KCNQ1: variants seen among roughly 807,000 people sequenced by gnomAD.
KCNQ1 encodes the protein potassium voltage-gated channel subfamily Q member 1, also known as potassium voltage-gated channel subfamily KQT member 1.
A neutral mutation model predicts 72.4 loss-of-function variants in KCNQ1; 49 were observed. That is an observed-to-expected ratio of 0.68 (90% CI 0.54 to 0.86). KCNQ1 has a LOEUF of 0.86. Ranked by LOEUF, KCNQ1 falls within the 40% of genes least tolerant of loss-of-function variation. The pLI is 0.00. For missense variants in KCNQ1, 790 were observed against 945.1 expected, an observed-to-expected ratio of 0.84 and a Z score of 2.15; for synonymous variants, 450 against 412.6, an observed-to-expected ratio of 1.09 and a Z score of -1.10.
At position 2,479,985 on chromosome 11, in the gene KCNQ1, A is replaced by G. The variant is rs1226691691; in HGVS notation, c.386+34501A>G. Among the ~76,000 whole-genome samples the G allele has an allele frequency of 6.6e-6, 1 of 152,246 alleles. No homozygotes were observed. The highest frequency in any genetic ancestry group is 1.5e-5 in the Non-Finnish European group (1 of 68,048). On this transcript the variant is annotated intron_variant, in intron 1 of 15. Transcript: ENST00000155840. This position sits in a 1 kb window ranked among gnomAD's most constrained non-coding sequence, Gnocchi z 4.6. ...TCTAGGGCAGTGGTAAAATACTGCC[A>G]GTCTCTTTGCTAAAACATAGCAAGA...
At position 2,813,450 on chromosome 11, in the gene KCNQ1, C is replaced by T. The variant is rs1277788696; in HGVS notation, c.1795-34317C>T. 6.6e-6 allele frequency among the ~76,000 whole-genome samples: 1 copy of T among 152,090 alleles called. No homozygotes were observed. Among genetic ancestry groups the T allele is most frequent in the Non-Finnish European group, 1.5e-5 (1 of 68,022 alleles). ...GTGCTTAGAGCAAATGCCCCTCCCC[C>T]GCCATCTTTTCATGACTCTCCCCCT... On this transcript the variant is annotated intron_variant, in intron 15 of 15. Coordinates refer to ENST00000155840, the MANE Select transcript of KCNQ1 (RefSeq NM_000218.3). This position sits in a 1 kb window ranked among gnomAD's most constrained non-coding sequence, Gnocchi z 4.4.
In KCNQ1 at chr11:2,826,402, G is replaced by T. The variant is rs1847840958; in HGVS notation, c.1795-21365G>T. Among the ~76,000 whole-genome samples, 1 of 152,248 alleles carries T rather than the reference G, an allele frequency of 6.6e-6. No individual in the cohort carries two copies. The highest frequency in any genetic ancestry group is 2.1e-4 in the South Asian group (1 of 4,838). ...GCTGGGGGTCAGAACCCGCGGCCAGGCCCAGCAGCCGCCTCTTGGCAGCGC... is the reference window on the plus strand; with the variant it reads ...GCTGGGGGTCAGAACCCGCGGCCAGTCCCAGCAGCCGCCTCTTGGCAGCGC... On this transcript the variant is annotated intron_variant, in intron 15 of 15. Transcript: ENST00000155840. The surrounding 1 kb of genome is among the most constrained non-coding windows in gnomAD (Gnocchi z 4.2).
chr11:2,699,643 C>G lies in KCNQ1; in HGVS notation c.1514+37562C>G, dbSNP rs80269905. ...AACCGCGCCGAAGAACCCCCGGGGA[C>G]AACCGCGCCGAAGAACCCCCGGGGA... On this transcript the variant is annotated intron_variant, in intron 11 of 15. Coordinates refer to ENST00000155840, the MANE Select transcript of KCNQ1 (RefSeq NM_000218.3). 13,072 of 365,978 alleles carry G rather than the reference C, an allele frequency of 0.036. 1,306 individuals are homozygous for G. Among genetic ancestry groups the G allele is most frequent in the African/African-American group, 0.18 (7,186 of 39,858 alleles). The allele number at this position is 365,978 out of a possible 1,614,324, so 22.7% of individuals were successfully genotyped here. A position where few individuals can be genotyped will look rare whatever the true frequency, so the allele number is the denominator to read the frequency against.
intron 15 of KCNQ1, among the ~76,000 whole-genome samples, chr11:2,805,189 A>G (rs1847347543): frequency 6.6e-6 from 1 of 152,106 alleles, no homozygotes; most frequent in African/African-American, 2.4e-5. Context: ...TCTCTAGAAG[A>G]CGCAGGGGTG....
At chr11:2,819,400 A>T (rs1847686685) in intron 15 of KCNQ1, among the ~76,000 whole-genome samples, 1 of 152,220 alleles carries the variant, frequency 6.6e-6, no homozygotes, top group Non-Finnish European at 1.5e-5. Context: ...AACACGTGTC[A>T]GCCCATACAT....
chr11:2,509,770 G>A lies in KCNQ1; in HGVS notation c.387-18158G>A, dbSNP rs1392729132. 5.9e-5 allele frequency among the ~76,000 whole-genome samples: 9 copies of A among 152,270 alleles called. No individual in the cohort carries two copies. Among genetic ancestry groups the A allele is most frequent in the Admixed American group, 5.2e-4 (8 of 15,302 alleles). On this transcript the variant is annotated intron_variant, in intron 1 of 15. Coordinates refer to ENST00000155840, the MANE Select transcript of KCNQ1 (RefSeq NM_000218.3). The surrounding 1 kb of genome is among the most constrained non-coding windows in gnomAD (Gnocchi z 6.3). Reference sequence around the variant, plus strand: ...AGAGGGGCTTCCGGGGGTGGGGAGCGGGGCTGGGCGGCTGCTGGCTGAGCC... The same window carrying A: ...AGAGGGGCTTCCGGGGGTGGGGAGCAGGGCTGGGCGGCTGCTGGCTGAGCC...
chr11:2,461,944 C>T (rs575697299), intron 1 of KCNQ1: 3 of 387,986 alleles, frequency 7.7e-6, no homozygotes, highest in African/African-American at 4.2e-5. Flanking sequence ...CTGCTGTCTG[C>T]TGTCCTGGGG....
Position 2,459,549 on chromosome 11 carries a change from C to T in KCNQ1, c.386+14065C>T, listed in dbSNP as rs1846243845. Reference sequence around the variant, plus strand: ...CTGTAGCTCCCTCTGTGGGGGCAGGCTGTGGCACTGTGGCGACTGGCAGTA... The same window carrying T: ...CTGTAGCTCCCTCTGTGGGGGCAGGTTGTGGCACTGTGGCGACTGGCAGTA... On this transcript the variant is annotated intron_variant, in intron 1 of 15. Coordinates refer to ENST00000155840, the MANE Select transcript of KCNQ1 (RefSeq NM_000218.3). Among the ~76,000 whole-genome samples, 4 of 152,250 alleles carry T rather than the reference C, an allele frequency of 2.6e-5. No individual in the cohort carries two copies. The South Asian group carries it at 6.2e-4, about 24-fold the overall frequency.
intron 1 of KCNQ1, among the ~76,000 whole-genome samples, chr11:2,470,473 A>C (rs1263170875): frequency 6.6e-6 from 1 of 152,156 alleles, no homozygotes; most frequent in East Asian, 1.9e-4. Flanking sequence ...AGGCGGAAGA[A>C]CATCTCGTTA....
intron 11 of KCNQ1, among the ~76,000 whole-genome samples, chr11:2,733,712 C>T (rs1465849410): frequency 6.7e-6 from 1 of 150,114 alleles, no homozygotes; most frequent in Non-Finnish European, 1.5e-5. Context: ...AGCTATAGAG[C>T]CTCCTGGAGG....
chr11:2,558,287 T>C (rs1421737110), intron 2 of KCNQ1, among the ~76,000 whole-genome samples: 2 of 152,368 alleles, frequency 1.3e-5, no homozygotes, highest in South Asian at 4.1e-4. Flanking sequence ...CCCACGTGGA[T>C]TGAAATTCAT....
chr11:2,701,715 C>G (rs1185310182), intron 11 of KCNQ1, among the ~76,000 whole-genome samples: 1 of 152,240 alleles, frequency 6.6e-6, no homozygotes, highest in Non-Finnish European at 1.5e-5. Flanking sequence ...GCCTGTCTGC[C>G]TGCTTCCTCT....
At chr11:2,521,974 CG>C (rs1847391005) in intron 1 of KCNQ1, among the ~76,000 whole-genome samples, 1 of 152,240 alleles carries the variant, frequency 6.6e-6, no homozygotes, top group Non-Finnish European at 1.5e-5. Flanking sequence ...GCCTGCACCC[CG>C]GGGGAGCCCT....
chr11:2,776,531 G>C (rs962500106), intron 13 of KCNQ1, among the ~76,000 whole-genome samples: 4 of 152,230 alleles, frequency 2.6e-5, no homozygotes, highest in African/African-American at 9.6e-5. Flanking sequence ...GACCCTGACT[G>C]TGGGGAGCTA....
chr11:2,652,200 C>T lies in KCNQ1; in HGVS notation c.1394-9761C>T, dbSNP rs1050387496. 28 of 398,474 alleles carry T rather than the reference C, an allele frequency of 7.0e-5. No homozygotes were observed. The highest frequency in any genetic ancestry group is 1.0e-4 in the African/African-American group (5 of 48,624). 24.7% of individuals were successfully genotyped at this position (398,474 alleles called of 1,614,324 possible). A position where few individuals can be genotyped will look rare whatever the true frequency, so the allele number is the denominator to read the frequency against. ...CCCAGCAGATGTCTGGATTTGGTAG[C>T]CAGGGCCTGGAGCCGGATGCTGAGA... On this transcript the variant is annotated intron_variant, in intron 10 of 15. Coordinates refer to ENST00000155840, the MANE Select transcript of KCNQ1 (RefSeq NM_000218.3). This position sits in a 1 kb window ranked among gnomAD's most constrained non-coding sequence, Gnocchi z 5.9.
rs1589952420 is a variant in KCNQ1, at chr11:2,562,723, T to C, written c.478-7905T>C. On this transcript the variant is annotated intron_variant, in intron 2 of 15. Transcript: ENST00000155840. The surrounding 1 kb of genome is among the most constrained non-coding windows in gnomAD (Gnocchi z 7.5). ...AGATCTCAGGCTTTTCAAGGGTGGG[T>C]GGATTCCTGGCTCCAGTGGAAGGTC... 6.6e-6 allele frequency among the ~76,000 whole-genome samples: 1 copy of C among 152,112 alleles called. No homozygotes were observed. Among genetic ancestry groups the C allele is most frequent in the Non-Finnish European group, 1.5e-5 (1 of 68,010 alleles).
rs1427912007 is a variant in KCNQ1, at chr11:2,848,351, G to A, written c.*348G>A. On this transcript the variant is annotated 3_prime_UTR_variant, in exon 16 of 16. Transcript: ENST00000155840. Reference sequence around the variant, plus strand: ...ATGGCCAGGAAGTAGCACAGGCTGAGTGCAGGCCCACCCTGCTTGGCCCAG... The same window carrying A: ...ATGGCCAGGAAGTAGCACAGGCTGAATGCAGGCCCACCCTGCTTGGCCCAG... 1.6e-5 allele frequency: 9 copies of A among 552,228 alleles called. No individual in the cohort carries two copies. The highest frequency in any genetic ancestry group is 2.4e-5 in the Non-Finnish European group (7 of 289,800). The allele number at this position is 552,228 out of a possible 1,614,324, so 34.2% of individuals were successfully genotyped here. A position where few individuals can be genotyped will look rare whatever the true frequency, so the allele number is the denominator to read the frequency against.
chr11:2,776,970 G>A lies in KCNQ1; in HGVS notation c.1686-16G>A. The A allele has an allele frequency of 1.2e-6, 2 of 1,613,860 alleles. No individual in the cohort carries two copies. The highest frequency in any genetic ancestry group is 1.7e-6 in the Non-Finnish European group (2 of 1,179,778). ...CAGGGCCAGGTGTGAACTGGTGTCT[G>A]TGTCCTTCTCTCCAGGCTGGACCAG... On this transcript the variant is annotated splice_polypyrimidine_tract_variant and intron_variant, in intron 13 of 15. Coordinates refer to ENST00000155840, the MANE Select transcript of KCNQ1 (RefSeq NM_000218.3).
intron 1 of KCNQ1, among the ~76,000 whole-genome samples, chr11:2,490,889 A>G (rs1846826704): frequency 6.6e-6 from 1 of 152,080 alleles, no homozygotes; most frequent in Non-Finnish European, 1.5e-5. Context: ...TTGTTTTAGT[A>G]GAGACAGGGT....
Sources: gnomAD v4.1 joint callset for allele counts (sites outside exome capture counted in the v4.1 genomes callset) on GRCh38, gnomAD v4.1.1 for gene constraint, Gnocchi (gnomAD v3.1) non-coding constraint, MANE v1.5 for transcripts, NCBI Gene and HGNC (gene_info 2026-07-23, HGNC 2026-07-21) for gene names.